Variants in CACNB4 observed in about 807,000 individuals in gnomAD.
CACNB4 encodes the protein voltage-dependent L-type calcium channel subunit beta-4.
In CACNB4, 32 loss-of-function variants were observed where a neutral mutation model predicts 71.2. The ratio of observed to expected loss-of-function variants is 0.45; its 90% CI spans 0.34 to 0.60. The LOEUF (loss-of-function observed/expected upper bound fraction) is 0.60. CACNB4 is among the 20% of genes least tolerant of loss of function. The pLI is 0.01. For synonymous variants in CACNB4, 231 were observed against 236.9 expected, an observed-to-expected ratio of 0.97 and a Z score of 0.23; for missense variants, 464 against 647.9, an observed-to-expected ratio of 0.72 and a Z score of 3.08.
At chr2:151,946,146 T>C (rs1428146831) in intron 2 of CACNB4, among the ~76,000 whole-genome samples, 1 of 151,988 alleles carries the variant, frequency 6.6e-6, no homozygotes, top group East Asian at 1.9e-4. Flanking sequence ...CTGGCCAACA[T>C]GGCGAAACCC....
At chr2:151,906,808 A>C (rs1578736614) in intron 2 of CACNB4, among the ~76,000 whole-genome samples, 1 of 152,084 alleles carries the variant, frequency 6.6e-6, no homozygotes, top group East Asian at 1.9e-4. Context: ...TAGCTCCCTG[A>C]ACACATCATG....
intron 2 of CACNB4, among the ~76,000 whole-genome samples, chr2:152,074,370 C>T (rs907347154): frequency 2.6e-4 from 39 of 151,984 alleles, no homozygotes; most frequent in Admixed American, 2.0e-3. Flanking sequence ...CTACCATTCC[C>T]ACCCTCCTCT....
rs148146858 is a variant in CACNB4, at chr2:152,047,552, T to C, written c.147+50778A>G. Among the ~76,000 whole-genome samples, 981 of 152,328 alleles carry C rather than the reference T, an allele frequency of 6.4e-3. 9 individuals carry two copies. The highest frequency in any genetic ancestry group is 0.011 in the Non-Finnish European group (717 of 68,032). ...CCCATGTATTGATTTACGATTATGC[T>C]TGTAACTTCTGCTTTCTTGAAATGA... On this transcript the variant is annotated intron_variant, in intron 2 of 13. Transcript: ENST00000539935.
rs1440901020 is a variant in CACNB4, at chr2:152,098,697, G to T, written c.63+252C>A. 3 of 1,562,172 alleles carry T rather than the reference G, an allele frequency of 1.9e-6. No individual in the cohort carries two copies. In the East Asian group the frequency reaches 7.2e-5, roughly 37 times the overall value. On this transcript the variant is annotated intron_variant, in intron 1 of 13. Transcript: ENST00000539935. The surrounding 1 kb of genome is among the most constrained non-coding windows in gnomAD (Gnocchi z 5.3). Reference sequence around the variant, plus strand: ...GGGTCCGAGTCCCCGGCATCCGCTGGGGGAGGCTGCGGGCTCCGGAGCGGG... The same window carrying T: ...GGGTCCGAGTCCCCGGCATCCGCTGTGGGAGGCTGCGGGCTCCGGAGCGGG...
chr2:151,975,609 T>G (rs1213164065), intron 2 of CACNB4, among the ~76,000 whole-genome samples: 1 of 152,146 alleles, frequency 6.6e-6, no homozygotes, highest in African/African-American at 2.4e-5. Flanking sequence ...TCGACAAGGA[T>G]GCATGTTGGA....
chr2:151,876,085 G>A (rs1377379459), intron 5 of CACNB4, among the ~76,000 whole-genome samples: 2 of 152,090 alleles, frequency 1.3e-5, no homozygotes, highest in African/African-American at 4.8e-5. Flanking sequence ...GAGAGTCTCT[G>A]TAAGCGAACC....
chr2:151,956,622 C>T (rs1009942638), intron 2 of CACNB4, among the ~76,000 whole-genome samples: 5 of 152,164 alleles, frequency 3.3e-5, no homozygotes, highest in Non-Finnish European at 5.9e-5. Context: ...AGTTGTACCA[C>T]TCTGAATATA....
chr2:151,960,440 T>TC (rs2099869369), intron 2 of CACNB4, among the ~76,000 whole-genome samples: 1 of 152,148 alleles, frequency 6.6e-6, no homozygotes, highest in East Asian at 1.9e-4. Flanking sequence ...AAAATCTACT[T>TC]CCCCCGAGTT....
chr2:151,859,505 C>A (rs1274454072), intron 10 of CACNB4: 1 of 152,108 alleles, frequency 6.6e-6, no homozygotes, highest in African/African-American at 2.4e-5. Context: ...ACTTAATGTC[C>A]CTGTCACCCA....
intron 2 of CACNB4, among the ~76,000 whole-genome samples, chr2:151,993,077 G>A (rs1444454120): frequency 6.6e-6 from 1 of 151,884 alleles, no homozygotes; most frequent in Non-Finnish European, 1.5e-5. Context: ...TGTCTTTTTT[G>A]GTAGGTGTGG....
At chr2:152,090,937 G>A (rs956644554) in intron 2 of CACNB4, among the ~76,000 whole-genome samples, 1 of 151,680 alleles carries the variant, frequency 6.6e-6, no homozygotes, top group African/African-American at 2.4e-5. Context: ...CCAGATACTC[G>A]GGAGGCTGAC....
chr2:152,039,005 T>A (rs12465272), intron 2 of CACNB4, among the ~76,000 whole-genome samples: 7 of 152,042 alleles, frequency 4.6e-5, no homozygotes, highest in Admixed American at 1.3e-4. Flanking sequence ...CATTGCTTGC[T>A]TAGTTAATAT....
At chr2:151,997,807 T>C in intron 2 of CACNB4, among the ~76,000 whole-genome samples, 1 of 152,176 alleles carries the variant, frequency 6.6e-6, no homozygotes, top group Non-Finnish European at 1.5e-5. Context: ...TAGTACTTTG[T>C]TGCAGCAACC....
chr2:151,916,326 A>ACC (rs1359644255), intron 2 of CACNB4, among the ~76,000 whole-genome samples: 1 of 110,576 alleles, frequency 9.0e-6, no homozygotes, highest in Non-Finnish European at 2.5e-5. Flanking sequence ...TCCTGATAAA[A>ACC]CCCCTCTCTT....
At chr2:151,927,241 C>G in intron 2 of CACNB4, among the ~76,000 whole-genome samples, 1 of 152,084 alleles carries the variant, frequency 6.6e-6, no homozygotes. Context: ...AAGAATGATT[C>G]AGTAGAGAGA....
chr2:152,051,340 G>C (rs1375884562), intron 2 of CACNB4, among the ~76,000 whole-genome samples: 1 of 151,982 alleles, frequency 6.6e-6, no homozygotes, highest in Non-Finnish European at 1.5e-5. Context: ...AGTATATTCA[G>C]AGTTGTGCTG....
chr2:151,898,457 A>C (rs1465040938), intron 2 of CACNB4, among the ~76,000 whole-genome samples: 1 of 152,194 alleles, frequency 6.6e-6, no homozygotes, highest in Admixed American at 6.5e-5. Flanking sequence ...AACCCACCAC[A>C]AACTTTTAGA....
chr2:151,916,239 C>A (rs1185192532), intron 2 of CACNB4, among the ~76,000 whole-genome samples: 1 of 152,152 alleles, frequency 6.6e-6, no homozygotes, highest in African/African-American at 2.4e-5. Context: ...TTTTTCAGGC[C>A]TCTTTAAATG....
intron 2 of CACNB4, among the ~76,000 whole-genome samples, chr2:151,909,522 T>C (rs952090902): frequency 2.0e-5 from 3 of 151,166 alleles, no homozygotes; most frequent in South Asian, 2.1e-4. Context: ...ATGTGTGCCA[T>C]GGTGGTTTGC....
Sources: allele counts gnomAD v4.1 joint callset (sites outside exome capture counted in the v4.1 genomes callset), GRCh38; gene constraint gnomAD v4.1.1; non-coding constraint Gnocchi (gnomAD v3.1); transcripts MANE v1.5; gene names NCBI Gene and HGNC (gene_info 2026-07-23, HGNC 2026-07-21).